The following FGD4 variants were observed in gnomAD, a reference collection of about 807,000 sequenced individuals.
FGD4 encodes the protein FYVE, RhoGEF and PH domain containing 4, also known as FYVE, RhoGEF and PH domain-containing protein 4.
FGD4 carries 42 observed loss-of-function variants against 102.0 expected under a neutral mutation model. The observed-to-expected ratio is 0.41, with a 90% CI of 0.32 to 0.53. FGD4 has a LOEUF of 0.53. Ranked by LOEUF, FGD4 falls within the 20% of genes least tolerant of loss-of-function variation. The pLI is 0.21. For missense variants in FGD4, 902 were observed against 1,078.2 expected, an observed-to-expected ratio of 0.84 and a Z score of 2.29; for synonymous variants, 380 against 375.7, an observed-to-expected ratio of 1.01 and a Z score of -0.13.
chr12:32,611,488 G>A (rs1949131427), intron 10 of FGD4, among the ~76,000 whole-genome samples: 1 of 152,124 alleles, frequency 6.6e-6, no homozygotes, highest in Non-Finnish European at 1.5e-5. Context: ...TACTCAAGAG[G>A]ATGAGGCAGG....
intron 11 of FGD4, among the ~76,000 whole-genome samples, chr12:32,621,150 G>T (rs968729461): frequency 7.9e-5 from 12 of 152,086 alleles, no homozygotes; most frequent in Non-Finnish European, 8.8e-5. Flanking sequence ...TGAGGTAGGA[G>T]GATCACTTGA....
At chr12:32,587,629 G>A (rs1192698133) in intron 4 of FGD4, among the ~76,000 whole-genome samples, 3 of 152,050 alleles carry the variant, frequency 2.0e-5, no homozygotes, top group Admixed American at 6.6e-5. Context: ...GAGCTCAAGT[G>A]ATCCACCCGC....
rs918641424 is a variant in FGD4 at position 32,642,374 on chromosome 12, C to T, written c.*1841C>T. 1.3e-5 allele frequency: 2 copies of T among 151,856 alleles called. No individual in the cohort carries two copies. The highest frequency in any genetic ancestry group is 4.8e-5 in the African/African-American group (2 of 41,348). The allele number at this position is 151,856 out of a possible 1,614,324, so 9.4% of individuals were successfully genotyped here. A position where few individuals can be genotyped will look rare whatever the true frequency, so the allele number is the denominator to read the frequency against. On this transcript the variant is annotated 3_prime_UTR_variant, in exon 17 of 17. Coordinates refer to ENST00000534526, the MANE Select transcript of FGD4 (RefSeq NM_001370298.3). ...TAGCTATAGATGATGCTTTGGTTTT[C>T]TTAATCTCAAGAAAAGAGAAGCAAT...
intron 4 of FGD4, among the ~76,000 whole-genome samples, chr12:32,592,752 GT>G (rs1452557734): frequency 1.3e-5 from 2 of 152,058 alleles, no homozygotes; most frequent in Non-Finnish European, 2.9e-5. Context: ...CCTTAAATAA[GT>G]TTTTAAAGTT....
At chr12:32,502,048 A>T (rs1306072833) in intron 1 of FGD4, 1 of 985,380 alleles carries the variant, frequency 1.0e-6, no homozygotes, top group African/African-American at 1.7e-5. Flanking sequence ...AGGCTGGAGC[A>T]CAAAGACAGC....
rs574096346 is a variant in FGD4, at chr12:32,490,637, TCCAC to T, written c.167-73494_167-73491del. ...TGGTCTTGAACTCCTGACCTTGTGA[TCCAC>T]CCACCTCGGCCTCCCAAAGTGCTGG... On this transcript the variant is annotated intron_variant, in intron 1 of 16. Coordinates refer to ENST00000534526, the MANE Select transcript of FGD4 (RefSeq NM_001370298.3). Among the ~76,000 whole-genome samples the T allele has an allele frequency of 7.9e-5, 12 of 152,258 alleles. No homozygotes were observed. In the East Asian group the frequency reaches 2.3e-3, roughly 29 times the overall value.
At chr12:32,584,274 G>A (rs1004750729) in intron 4 of FGD4, among the ~76,000 whole-genome samples, 1 of 152,148 alleles carries the variant, frequency 6.6e-6, no homozygotes, top group Non-Finnish European at 1.5e-5. Context: ...AGTGTGCTGC[G>A]GCAGTGTGTT....
intron 1 of FGD4, among the ~76,000 whole-genome samples, chr12:32,492,299 G>A (rs1210782741): frequency 6.6e-6 from 1 of 151,198 alleles, no homozygotes; most frequent in Non-Finnish European, 1.5e-5. Flanking sequence ...ACACATCAAA[G>A]TCCCCTTTTA....
intron 1 of FGD4, among the ~76,000 whole-genome samples, chr12:32,540,061 G>A (rs959661893): frequency 1.3e-5 from 2 of 151,956 alleles, no homozygotes; most frequent in Non-Finnish European, 2.9e-5. Flanking sequence ...AGGAAAAAAG[G>A]TATTTCTGGT....
chr12:32,638,764 C>T lies in FGD4; in HGVS notation c.2423C>T (p.Pro808Leu), dbSNP rs748363778. 10 of 1,614,162 alleles carry T rather than the reference C, an allele frequency of 6.2e-6. No homozygotes were observed. The highest frequency in any genetic ancestry group is 1.1e-5 in the South Asian group (1 of 91,082). The change falls in exon 16 of 17, where the codon CCT becomes CTT. Residue 808 changes from proline to leucine, a missense_variant. Transcript: ENST00000534526. ...KAWCVIPKQD[P>L]LVLYMYGAPQ... ...TGGTGTGTGATCCCCAAGCAAGACC[C>T]TCTTGTGCTGTACATGTATGGTGCC...
chr12:32,625,179 G>T (rs895334235), intron 13 of FGD4, 111 bp downstream of exon 13: 28 of 886,064 alleles, frequency 3.2e-5, no homozygotes, highest in Non-Finnish European at 4.6e-5. Context: ...GTCAGAACTG[G>T]CTGGTTAGAC....
intron 1 of FGD4, among the ~76,000 whole-genome samples, chr12:32,474,150 T>C (rs947227328): frequency 5.3e-5 from 8 of 151,824 alleles, no homozygotes; most frequent in African/African-American, 1.9e-4. Context: ...ACACTGCTGG[T>C]AGAAATGTAA....
intron 1 of FGD4, among the ~76,000 whole-genome samples, chr12:32,445,913 T>A (rs1488793683): frequency 6.6e-6 from 1 of 152,194 alleles, no homozygotes; most frequent in Non-Finnish European, 1.5e-5. Context: ...ACACCTGTAA[T>A]CCCAGCACTT....
At position 32,506,630 on chromosome 12, in the gene FGD4, C is replaced by CA. The variant is rs2136649081; in HGVS notation, c.167-57507_167-57506insA. On this transcript the variant is annotated intron_variant, in intron 1 of 16. Coordinates refer to ENST00000534526, the MANE Select transcript of FGD4 (RefSeq NM_001370298.3). This position sits in a 1 kb window ranked among gnomAD's most constrained non-coding sequence, Gnocchi z 4.5. ...GCTCCCTGCACCAACCCACAGGCAC[C>CA]TCCTTGCCCAGGACCACCCCACCCC... Among the ~76,000 whole-genome samples the CA allele has an allele frequency of 1.3e-5, 2 of 152,342 alleles. No homozygotes were observed. The highest frequency in any genetic ancestry group is 3.9e-4 in the East Asian group (2 of 5,192).
At chr12:32,523,406 A>G (rs1161458797) in intron 1 of FGD4, among the ~76,000 whole-genome samples, 2 of 152,230 alleles carry the variant, frequency 1.3e-5, no homozygotes, top group Non-Finnish European at 2.9e-5. Context: ...GAATTTTTTC[A>G]TCCTTCCCAA....
intron 1 of FGD4, among the ~76,000 whole-genome samples, chr12:32,405,410 T>C (rs1940893659): frequency 6.6e-6 from 1 of 151,452 alleles, no homozygotes; most frequent in African/African-American, 2.4e-5. Context: ...CAGGCAAGCG[T>C]CAACATGCCT....
chr12:32,611,201 C>T lies in FGD4; in HGVS notation c.1667C>T (p.Pro556Leu), dbSNP rs773514635. The part of the protein sequence containing the change: ...MLGEEEDIVN[P>L]SNELIKEGQI... ...GGAGAAGAAGAAGACATTGTAAACC[C>T]TTCAAATGAACTAATAAAAGAAGGA... Residue 556 changes from proline to leucine, a missense_variant, in exon 10 of 17, where the codon CCT becomes CTT. Physicochemically the swap from Pro to Leu is moderately conservative, Grantham distance 98. Transcript: ENST00000534526. 3 of 1,614,150 alleles carry T rather than the reference C, an allele frequency of 1.9e-6. No individual in the cohort carries two copies. The highest frequency in any genetic ancestry group is 2.5e-6 in the Non-Finnish European group (3 of 1,180,020).
At chr12:32,578,569 CCTATAATCCCAG>C (rs1432968432) in intron 3 of FGD4, among the ~76,000 whole-genome samples, 1 of 152,080 alleles carries the variant, frequency 6.6e-6, no homozygotes, top group Admixed American at 6.5e-5. Flanking sequence ...GTGGCTCATG[CCTATAATCCCAG>C]CACTTTGGGA....
chr12:32,633,495 C>T (rs1950609921), intron 14 of FGD4, 54 bp from the exon 15 acceptor site: 36 of 1,556,596 alleles, frequency 2.3e-5, no homozygotes, highest in Non-Finnish European at 3.0e-5. Context: ...CTGATTACTG[C>T]TTAAATCATA....
Sources: allele counts gnomAD v4.1 joint callset (sites outside exome capture counted in the v4.1 genomes callset), GRCh38; gene constraint gnomAD v4.1.1; non-coding constraint Gnocchi (gnomAD v3.1); transcripts MANE v1.5; gene names NCBI Gene and HGNC (gene_info 2026-07-23, HGNC 2026-07-21).